Variants in PPARGC1B observed in about 807,000 individuals in gnomAD.
PPARGC1B encodes peroxisome proliferator-activated receptor gamma coactivator 1-beta.
In PPARGC1B, 34 loss-of-function variants were observed where a neutral mutation model predicts 101.6. The ratio of observed to expected loss-of-function variants is 0.33; its 90% CI spans 0.25 to 0.45. The LOEUF (loss-of-function observed/expected upper bound fraction) is 0.45, where lower values mean the gene tolerates loss of function less well. Among genes scored for constraint, PPARGC1B ranks in the 20% least tolerant of loss-of-function variants. The pLI, the probability that PPARGC1B is intolerant of heterozygous loss-of-function variation, is 1.00. For synonymous variants in PPARGC1B, 548 were observed against 539.3 expected, an observed-to-expected ratio of 1.02 and a Z score of -0.22; for missense variants, 1,234 against 1,317.6, an observed-to-expected ratio of 0.94 and a Z score of 0.98.
At chr5:149,845,739 C>T (rs1166829993) in intron 10 of PPARGC1B, 21 bp from the exon 11 acceptor site, 2 of 1,589,448 alleles carry the variant, frequency 1.3e-6, no homozygotes, top group Non-Finnish European at 1.7e-6. Flanking sequence ...ATAACATACT[C>T]TCCTTGCTCC....
chr5:149,730,589 C>G lies in PPARGC1B; in HGVS notation c.78+169C>G, dbSNP rs912474895. Among the ~76,000 whole-genome samples the G allele has an allele frequency of 6.6e-6, 1 of 152,038 alleles. No individual in the cohort carries two copies. Among genetic ancestry groups the G allele is most frequent in the South Asian group, 2.1e-4 (1 of 4,830 alleles). ...CCTGCGATGCGCTCCGTTACCGGGGCAGGGAGCCGGAGGTCTCCCGGCGCG... is the reference window on the plus strand; with the variant it reads ...CCTGCGATGCGCTCCGTTACCGGGGGAGGGAGCCGGAGGTCTCCCGGCGCG... On this transcript the variant is annotated intron_variant, in intron 1 of 11. Coordinates refer to ENST00000309241, the MANE Select transcript of PPARGC1B (RefSeq NM_133263.4). This position sits in a 1 kb window ranked among gnomAD's most constrained non-coding sequence, Gnocchi z 4.0.
At chr5:149,830,924 T>C (rs1581106786) in intron 4 of PPARGC1B, 41 bp downstream of exon 4, 2 of 1,389,460 alleles carry the variant, frequency 1.4e-6, no homozygotes, top group Non-Finnish European at 1.0e-6. Context: ...CAGGTGTCTG[T>C]TGGGGCTGCA....
At position 149,730,923 on chromosome 5, in the gene PPARGC1B, C is replaced by CCG. The variant is rs553888507; in HGVS notation, c.78+507_78+508dup. Among the ~76,000 whole-genome samples, 258 of 152,364 alleles carry CCG rather than the reference C, an allele frequency of 1.7e-3. 2 individuals are homozygous for CCG. The highest frequency in any genetic ancestry group is 5.7e-3 in the African/African-American group (236 of 41,594). ...TTGCTGGCCCCCCGCGGCTTTCTACCCGCGCCCGCAGCGCGGAGTTTCCTG... is the reference window on the plus strand; with the variant it reads ...TTGCTGGCCCCCCGCGGCTTTCTACCCGCGCGCCCGCAGCGCGGAGTTTCCTG... On this transcript the variant is annotated intron_variant, in intron 1 of 11. Coordinates refer to ENST00000309241, the MANE Select transcript of PPARGC1B (RefSeq NM_133263.4). This position sits in a 1 kb window ranked among gnomAD's most constrained non-coding sequence, Gnocchi z 4.0.
intron 1 of PPARGC1B, among the ~76,000 whole-genome samples, chr5:149,735,336 G>C (rs1017753388): frequency 6.6e-6 from 1 of 152,136 alleles, no homozygotes; most frequent in East Asian, 1.9e-4. Context: ...TTAGCAGCTC[G>C]TGCAGGCCAG....
rs1759781743 is a variant in PPARGC1B, at chr5:149,851,920, C to T, written c.*4362C>T. On this transcript the variant is annotated 3_prime_UTR_variant, in exon 12 of 12. Transcript: ENST00000309241. The stretch of plus-strand genomic sequence containing the variant: ...AAAGCACTTTGAGAAAACCCCAACA[C>T]TTCAGCCTGGGTCCGTGTTTCTACA... 1 of 152,276 alleles carries T rather than the reference C, an allele frequency of 6.6e-6. No individual in the cohort carries two copies. Among genetic ancestry groups the T allele is most frequent in the South Asian group, 2.1e-4 (1 of 4,828 alleles). 9.4% of individuals were successfully genotyped at this position (152,276 alleles called of 1,614,324 possible).
intron 1 of PPARGC1B, among the ~76,000 whole-genome samples, chr5:149,808,809 G>A (rs1757693693): frequency 6.6e-6 from 1 of 152,142 alleles, no homozygotes; most frequent in African/African-American, 2.4e-5. Context: ...GGGATACAGT[G>A]GGCAACAAGG....
At chr5:149,801,277 A>G (rs1340091145) in intron 1 of PPARGC1B, among the ~76,000 whole-genome samples, 1 of 152,246 alleles carries the variant, frequency 6.6e-6, no homozygotes, top group East Asian at 1.9e-4. Context: ...GCTCAGCTCC[A>G]GAAGCCTCTG....
At position 149,837,005 on chromosome 5, in the gene PPARGC1B, C is replaced by A; in HGVS notation, c.2550C>A (p.Ser850=). 6.2e-7 allele frequency: 1 copy of A among 1,613,972 alleles called. No individual in the cohort carries two copies. The highest frequency in any genetic ancestry group is 8.5e-7 in the Non-Finnish European group (1 of 1,180,040). The change falls in exon 8 of 12, where the codon TCC becomes TCA. Residue 850 remains serine (S), a synonymous_variant. Transcript: ENST00000309241. The surrounding 1 kb of genome is among the most constrained non-coding windows in gnomAD (Gnocchi z 4.2). ...PPSKANRQLC[S]RSRSSSGSSP... is the part of the protein sequence containing the mutation. ...GCAAGGCCAACCGGCAGCTCTGTTC[C>A]CGCAGCCGCTCAAGCTCTGGCTCTT...
At chr5:149,756,311 G>T (rs1049475006) in intron 1 of PPARGC1B, among the ~76,000 whole-genome samples, 4 of 152,062 alleles carry the variant, frequency 2.6e-5, no homozygotes, top group Non-Finnish European at 4.4e-5. Context: ...AATTAGCCAG[G>T]TGTGGTGGCA....
chr5:149,731,534 T>C (rs1754467076), intron 1 of PPARGC1B, among the ~76,000 whole-genome samples: 1 of 150,530 alleles, frequency 6.6e-6, no homozygotes, highest in African/African-American at 2.4e-5. Context: ...CGGGCGCGGC[T>C]CGCGGGGGCT....
rs1759118908 is a variant in PPARGC1B, at chr5:149,837,011, C to G, written c.2556C>G (p.Ser852Arg). The G allele has an allele frequency of 1.2e-6, 2 of 1,613,936 alleles. No homozygotes were observed. The highest frequency in any genetic ancestry group is 1.3e-5 in the African/African-American group (1 of 75,064). ...CCAACCGGCAGCTCTGTTCCCGCAGCCGCTCAAGCTCTGGCTCTTCACCCT... is the reference window on the plus strand; with the variant it reads ...CCAACCGGCAGCTCTGTTCCCGCAGGCGCTCAAGCTCTGGCTCTTCACCCT... ...SKANRQLCSR[S>R]RSSSGSSPCH... The change falls in exon 8 of 12, where the codon AGC becomes AGG. Residue 852 changes from serine to arginine, a missense_variant. Transcript: ENST00000309241. The surrounding 1 kb of genome is among the most constrained non-coding windows in gnomAD (Gnocchi z 4.2).
intron 1 of PPARGC1B, among the ~76,000 whole-genome samples, chr5:149,734,019 C>G (rs1028314556): frequency 3.9e-5 from 6 of 152,050 alleles, no homozygotes; most frequent in Admixed American, 2.0e-4. Context: ...TAGATCACAT[C>G]TTATTTTTAA....
chr5:149,742,396 C>T (rs1361811202), intron 1 of PPARGC1B, among the ~76,000 whole-genome samples: 1 of 152,128 alleles, frequency 6.6e-6, no homozygotes, highest in Non-Finnish European at 1.5e-5. Context: ...CAGTCTGCTA[C>T]AGACACTTTC....
chr5:149,759,629 G>C (rs1473432774), intron 1 of PPARGC1B, among the ~76,000 whole-genome samples: 1 of 152,194 alleles, frequency 6.6e-6, no homozygotes, highest in South Asian at 2.1e-4. Flanking sequence ...GCTGGGGTGG[G>C]TTGGTTCATT....
chr5:149,847,677 TGA>T lies in PPARGC1B; in HGVS notation c.*126_*127del. On this transcript the variant is annotated 3_prime_UTR_variant, in exon 12 of 12. Coordinates refer to ENST00000309241, the MANE Select transcript of PPARGC1B (RefSeq NM_133263.4). The stretch of plus-strand genomic sequence containing the variant: ...GCGAGCGAGCGTGAGAGAACACCCG[TGA>T]GAGAGACTTGAAACTGCTGTCCTTT... The T allele has an allele frequency of 1.4e-6, 1 of 708,572 alleles. No homozygotes were observed. The highest frequency in any genetic ancestry group is 2.4e-6 in the Non-Finnish European group (1 of 412,158). 43.9% of individuals were successfully genotyped at this position (708,572 alleles called of 1,614,324 possible).
intron 9 of PPARGC1B, 109 bp from the exon 10 acceptor site, chr5:149,842,147 C>T (rs926573582): frequency 2.2e-6 from 3 of 1,394,846 alleles, no homozygotes; most frequent in Admixed American, 2.0e-5. Context: ...ATTGCTCACT[C>T]AGCCAGGCAT....
intron 1 of PPARGC1B, among the ~76,000 whole-genome samples, chr5:149,771,055 A>AT (rs1279043269): frequency 6.6e-6 from 1 of 152,082 alleles, no homozygotes; most frequent in Admixed American, 6.5e-5. Context: ...TCCAAACTTC[A>AT]TGTTCTAGAA....
At position 149,836,713 on chromosome 5, in the gene PPARGC1B, C is replaced by G; in HGVS notation, c.2258C>G (p.Thr753Arg). Reference protein sequence around the residue: ...CDAGAPPKDSTLLRDHEIRAS... With the variant: ...CDAGAPPKDSRLLRDHEIRAS... Reference sequence around the variant, plus strand: ...GCTGGCGCCCCACCCAAGGACAGCACGCTGCTGAGAGACCATGAGATCCGT... The same window carrying G: ...GCTGGCGCCCCACCCAAGGACAGCAGGCTGCTGAGAGACCATGAGATCCGT... Residue 753 changes from threonine (T) to arginine (R), a missense_variant, in exon 8 of 12, where the codon ACG becomes AGG. By Grantham distance (71) the Thr-to-Arg change is moderately conservative. This residue lies in a region of PPARGC1B where 497 missense variants were observed against 529.5 expected (regional missense o/e 0.94). Coordinates refer to ENST00000309241, the MANE Select transcript of PPARGC1B (RefSeq NM_133263.4). 6.2e-7 allele frequency: 1 copy of G among 1,613,714 alleles called. No individual in the cohort carries two copies.
intron 1 of PPARGC1B, among the ~76,000 whole-genome samples, chr5:149,762,302 GC>G (rs1315851158): frequency 1.2e-4 from 18 of 151,826 alleles, no homozygotes; most frequent in Admixed American, 1.2e-3. Flanking sequence ...GCGCCACCAT[GC>G]CCGGCTAAGT....
Sources: allele counts gnomAD v4.1 joint callset (sites outside exome capture counted in the v4.1 genomes callset), GRCh38; gene constraint gnomAD v4.1.1; regional missense constraint gnomAD v4.1.1; non-coding constraint Gnocchi (gnomAD v3.1); transcripts MANE v1.5; gene names NCBI Gene and HGNC (gene_info 2026-07-23, HGNC 2026-07-21).